The following MALT1 variants were observed in gnomAD, a reference collection of about 807,000 sequenced individuals.
MALT1 encodes the protein MALT1 paracaspase, also known as mucosa-associated lymphoid tissue lymphoma translocation protein 1.
Under a neutral mutation model 85.5 loss-of-function variants are expected in MALT1, and 36 were observed. That is an observed-to-expected ratio of 0.42 (90% CI 0.32 to 0.56). MALT1 has a LOEUF of 0.56. Among genes scored for constraint, MALT1 ranks in the 20% least tolerant of loss-of-function variants. MALT1 has a pLI of 0.10. For missense variants in MALT1, 716 were observed against 981.6 expected, an observed-to-expected ratio of 0.73 and a Z score of 3.62; for synonymous variants, 359 against 361.3, an observed-to-expected ratio of 0.99 and a Z score of 0.07.
intron 2 of MALT1, among the ~76,000 whole-genome samples, chr18:58,681,775 G>GT (rs955069458): frequency 7.3e-5 from 11 of 151,596 alleles, no homozygotes; most frequent in South Asian, 2.1e-4. Flanking sequence ...AAATGTTTAA[G>GT]TTTTTTTTTG....
At chr18:58,738,991 TATCAGGTTA>T (rs2055264012) in intron 13 of MALT1, among the ~76,000 whole-genome samples, 1 of 152,214 alleles carries the variant, frequency 6.6e-6, no homozygotes, top group Non-Finnish European at 1.5e-5. Context: ...ATTAACACTT[TATCAGGTTA>T]AGGAAGTTCT....
chr18:58,692,002 C>G (rs4940421), intron 2 of MALT1: 34,823 of 147,332 alleles, frequency 0.24, 4,293 homozygotes, highest in Middle Eastern at 0.33. Flanking sequence ...CAAGATCGCG[C>G]CACTGCACTC....
rs74888274 is a variant in MALT1, at chr18:58,677,150, C to T, written c.210-4020C>T. 8.0e-3 allele frequency among the ~76,000 whole-genome samples: 1,209 copies of T among 151,900 alleles called. 24 individuals are homozygous for T. The highest frequency in any genetic ancestry group is 0.028 in the African/African-American group (1,169 of 41,338). ...AGAAAAGTTAGGTATGTATAAGCAT[C>T]ATCTTAGCTGAAAGCCAGTGCCCAT... On this transcript the variant is annotated intron_variant, in intron 1 of 16. Transcript: ENST00000649217.
intron 12 of MALT1, 49 bp from the exon 13 acceptor site, chr18:58,735,153 C>G (rs1160299363): frequency 1.7e-5 from 25 of 1,497,002 alleles, no homozygotes; most frequent in African/African-American, 2.8e-5. Context: ...TGAGAACATA[C>G]AGTATTTGCC....
At chr18:58,683,627 A>T (rs2054354970) in intron 2 of MALT1, among the ~76,000 whole-genome samples, 1 of 152,212 alleles carries the variant, frequency 6.6e-6, no homozygotes, top group African/African-American at 2.4e-5. Context: ...TTATATTTTT[A>T]TTTTTGACAG....
In MALT1 at chr18:58,749,368, A is replaced by AC. The variant is rs1269658473; in HGVS notation, c.*1532dup. On this transcript the variant is annotated 3_prime_UTR_variant, in exon 17 of 17. Transcript: ENST00000649217. ...AAGTGTTAAGTGACATGCCTGAGGC[A>AC]CCCCCCTAACAGGTGTCAGAGCTGA... 24 of 217,160 alleles carry AC rather than the reference A, an allele frequency of 1.1e-4. No individual in the cohort carries two copies. Among genetic ancestry groups the AC allele is most frequent in the African/African-American group, 4.3e-4 (19 of 44,476 alleles). 13.5% of individuals were successfully genotyped at this position (217,160 alleles called of 1,614,324 possible).
rs2054588682 is a variant in MALT1, at chr18:58,696,363, T to TTA, written c.377-3_377-2insTA. 7.3e-7 allele frequency: 1 copy of TTA among 1,373,300 alleles called. No homozygotes were observed. Among genetic ancestry groups the TTA allele is most frequent in the Non-Finnish European group, 9.5e-7 (1 of 1,050,654 alleles). The allele number at this position is 1,373,300 out of a possible 1,614,324, so 85.1% of individuals were successfully genotyped here. Reference sequence around the variant, plus strand: ...TTTTTTTTTTTTTTTTTTTTTTTTTTAGGAATAAAGATTACTGTAAACCCA... The same window carrying TTA: ...TTTTTTTTTTTTTTTTTTTTTTTTTTTAAGGAATAAAGATTACTGTAAACCCA... On this transcript the variant is annotated splice_polypyrimidine_tract_variant and splice_region_variant and intron_variant, in intron 2 of 16. Coordinates refer to ENST00000649217, the MANE Select transcript of MALT1 (RefSeq NM_006785.4).
At chr18:58,690,208 A>AT (rs1196827564) in intron 2 of MALT1, 1 of 152,186 alleles carries the variant, frequency 6.6e-6, no homozygotes, top group East Asian at 1.9e-4. Context: ...CTTTTTCATT[A>AT]TATCTGTCGT....
rs562632052 is a variant in MALT1 at position 58,725,182 on chromosome 18, C to T, written c.1222+1931C>T. ...AATAAAAACACGAAAATTAGCTGGG[C>T]GTGGTGGTGCATGCCTGTAATCCCA... On this transcript the variant is annotated intron_variant, in intron 10 of 16. Coordinates refer to ENST00000649217, the MANE Select transcript of MALT1 (RefSeq NM_006785.4). 1.3e-4 allele frequency among the ~76,000 whole-genome samples: 19 copies of T among 151,122 alleles called. No homozygotes were observed. In the East Asian group the frequency reaches 3.5e-3, roughly 28 times the overall value.
At chr18:58,729,533 C>T (rs2055116690) in intron 10 of MALT1, among the ~76,000 whole-genome samples, 1 of 146,162 alleles carries the variant, frequency 6.8e-6, no homozygotes. Context: ...TCCTTTAATA[C>T]AAGGAGAAAA....
rs2054654236 is a variant in MALT1, at chr18:58,700,375, G to T, written c.499-66G>T. The T allele has an allele frequency of 2.8e-5, 35 of 1,259,704 alleles. No individual in the cohort carries two copies. The South Asian group carries it at 5.6e-4, about 20-fold the overall frequency. 78.0% of individuals were successfully genotyped at this position (1,259,704 alleles called of 1,614,324 possible). On this transcript the variant is annotated intron_variant, in intron 3 of 16. Transcript: ENST00000649217. ...GCTTCATACTGAAATCATAGATTTT[G>T]TACAGCATATTTTATAAGGTGTGTT...
intron 10 of MALT1, 30 bp from the exon 11 acceptor site, chr18:58,733,367 C>CTA (rs2055179798): frequency 6.9e-7 from 1 of 1,446,846 alleles, no homozygotes; most frequent in African/African-American, 1.4e-5. Context: ...GAATTGACAT[C>CTA]TATCTCTCTC....
In MALT1 at chr18:58,748,927, C is replaced by G. The variant is rs957924358; in HGVS notation, c.*1085C>G. 3 of 207,816 alleles carry G rather than the reference C, an allele frequency of 1.4e-5. No individual in the cohort carries two copies. Among genetic ancestry groups the G allele is most frequent in the Non-Finnish European group, 2.9e-5 (3 of 102,052 alleles). 12.9% of individuals were successfully genotyped at this position (207,816 alleles called of 1,614,324 possible). A position where few individuals can be genotyped will look rare whatever the true frequency, so the allele number is the denominator to read the frequency against. On this transcript the variant is annotated 3_prime_UTR_variant, in exon 17 of 17. Transcript: ENST00000649217. ...GAACACTTCCCAACTTACTCTAGGT[C>G]AGTATTACCCTGATACTAGACTAGA...
At chr18:58,683,389 T>G (rs961464547) in intron 2 of MALT1, among the ~76,000 whole-genome samples, 1 of 152,244 alleles carries the variant, frequency 6.6e-6, no homozygotes, top group South Asian at 2.1e-4. Context: ...AAGTATTCTC[T>G]ACCTCACAGA....
rs2055208053 is a variant in MALT1 at position 58,735,256 on chromosome 18, C to A, written c.1530C>A (p.Ile510=). The A allele has an allele frequency of 6.2e-7, 1 of 1,611,016 alleles. No individual in the cohort carries two copies. The highest frequency in any genetic ancestry group is 1.3e-5 in the African/African-American group (1 of 74,704). ...EIQHSGLANG[I]FMKFLKDRLL... is the part of the protein sequence containing the mutation. ...AGCATTCTGGATTGGCAAATGGAATCTTTATGAAATTTTTAAAAGACAGAT... is the reference window on the plus strand; with the variant it reads ...AGCATTCTGGATTGGCAAATGGAATATTTATGAAATTTTTAAAAGACAGAT... Residue 510 remains isoleucine (I), a synonymous_variant, in exon 13 of 17, where the codon ATC becomes ATA. Coordinates refer to ENST00000649217, the MANE Select transcript of MALT1 (RefSeq NM_006785.4).
rs535121498 is a variant in MALT1 at position 58,748,695 on chromosome 18, C to T, written c.*853C>T. ...GTATTTTCTTCTTGAATTTCACTGG[C>T]CTAATGAGATAATACTCTTATCTTT... is the stretch of plus-strand genomic sequence containing the variant. On this transcript the variant is annotated 3_prime_UTR_variant, in exon 17 of 17. Coordinates refer to ENST00000649217, the MANE Select transcript of MALT1 (RefSeq NM_006785.4). 174 of 194,000 alleles carry T rather than the reference C, an allele frequency of 9.0e-4. No homozygotes were observed. The highest frequency in any genetic ancestry group is 3.8e-3 in the African/African-American group (166 of 43,314). 12.0% of individuals were successfully genotyped at this position (194,000 alleles called of 1,614,324 possible).
Position 58,709,982 on chromosome 18 carries a change from T to C in MALT1, c.835T>C (p.Tyr279His). The C allele has an allele frequency of 6.2e-7, 1 of 1,600,698 alleles. No homozygotes were observed. The highest frequency in any genetic ancestry group is 1.1e-5 in the South Asian group (1 of 90,034). The change falls in exon 6 of 17, where the codon TAT becomes CAT. Residue 279 changes from tyrosine to histidine, a missense_variant. Tyr to His is a moderately conservative substitution (Grantham distance 83). This residue lies in a region of MALT1 where 290 missense variants were observed against 380.5 expected (regional missense o/e 0.76). Transcript: ENST00000649217. ...TGTTCTAATATTGATATAGGTGCCTTATGTGGATTTGGAACACCAAGGAAC... is the reference window on the plus strand; with the variant it reads ...TGTTCTAATATTGATATAGGTGCCTCATGTGGATTTGGAACACCAAGGAAC... ...HETKKLYMVPYVDLEHQGTYW... is the reference protein window; with the variant it reads ...HETKKLYMVPHVDLEHQGTYW...
In MALT1 at chr18:58,680,223, C is replaced by T. The variant is rs79745375; in HGVS notation, c.210-947C>T. Among the ~76,000 whole-genome samples the T allele has an allele frequency of 1.7e-3, 261 of 152,256 alleles. 6 individuals carry two copies. The East Asian group carries it at 0.043, about 25-fold the overall frequency. ...CACAAATGATCTTGGTAATAACAAA[C>T]GCTGTTCTGTATCTTCCTTTTTTCA... On this transcript the variant is annotated intron_variant, in intron 1 of 16. Transcript: ENST00000649217.
intron 2 of MALT1, among the ~76,000 whole-genome samples, chr18:58,683,644 A>G (rs1385435391): frequency 6.6e-6 from 1 of 152,244 alleles, no homozygotes; most frequent in Non-Finnish European, 1.5e-5. Flanking sequence ...ACAGGCCAGC[A>G]ACTAATAAAG....
Sources: gnomAD v4.1 joint callset for allele counts (sites outside exome capture counted in the v4.1 genomes callset) on GRCh38, gnomAD v4.1.1 for gene constraint, gnomAD v4.1.1 regional missense constraint, MANE v1.5 for transcripts, NCBI Gene and HGNC (gene_info 2026-07-23, HGNC 2026-07-21) for gene names.